Variants in PHYHIPL observed in about 807,000 individuals in gnomAD.
PHYHIPL encodes the protein phytanoyl-CoA 2-hydroxylase interacting protein like.
In PHYHIPL, 9 loss-of-function variants were observed where a neutral mutation model predicts 33.4. That is an observed-to-expected ratio of 0.27 (90% CI 0.16 to 0.47). The LOEUF is 0.47. PHYHIPL is among the 20% of genes least tolerant of loss of function. The pLI, the probability that PHYHIPL is intolerant of heterozygous loss-of-function variation, is 0.99. For synonymous variants in PHYHIPL, 153 were observed against 154.1 expected, an observed-to-expected ratio of 0.99 and a Z score of 0.05; for missense variants, 365 against 460.7, an observed-to-expected ratio of 0.79 and a Z score of 1.90.
chr10:59,245,328 T>A lies in PHYHIPL; in HGVS notation c.868T>A (p.Ser290Thr), dbSNP rs997303206. 8 of 1,614,178 alleles carry A rather than the reference T, an allele frequency of 5.0e-6. No individual in the cohort carries two copies. The highest frequency in any genetic ancestry group is 6.8e-6 in the Non-Finnish European group (8 of 1,180,030). ...GATTCTTGTTATTGCTCCTGTGGGA[T>A]CACCAGGAGATGAATTTTGTAAGCA... ...YVILVIAPVG[S>T]PGDEFCKQRL... Residue 290 changes from serine to threonine, a missense_variant, in exon 5 of 5, where the codon TCA (serine) becomes ACA (threonine). Coordinates refer to ENST00000373880, the MANE Select transcript of PHYHIPL (RefSeq NM_032439.4).
At chr10:59,183,953 A>G (rs993982396) in intron 1 of PHYHIPL, among the ~76,000 whole-genome samples, 21 of 152,222 alleles carry the variant, frequency 1.4e-4, no homozygotes, top group African/African-American at 4.8e-4. Context: ...ATTTTTCAGT[A>G]TACTCTGATT....
intron 1 of PHYHIPL, among the ~76,000 whole-genome samples, chr10:59,190,400 T>C (rs909780280): frequency 6.6e-6 from 1 of 151,856 alleles, no homozygotes; most frequent in African/African-American, 2.4e-5. Flanking sequence ...AATGTTTCAT[T>C]TGAGGGTAAG....
In PHYHIPL at chr10:59,245,327, A is replaced by C. The variant is rs1192162320; in HGVS notation, c.867A>C (p.Gly289=). 6.2e-7 allele frequency: 1 copy of C among 1,614,036 alleles called. No homozygotes were observed. The highest frequency in any genetic ancestry group is 1.3e-5 in the African/African-American group (1 of 74,918). ...HYVILVIAPV[G]SPGDEFCKQR... is the part of the protein sequence containing the mutation. ...TGATTCTTGTTATTGCTCCTGTGGG[A>C]TCACCAGGAGATGAATTTTGTAAGC... is the stretch of plus-strand genomic sequence containing the variant. Residue 289 remains glycine (G), a synonymous_variant, in exon 5 of 5, where the codon GGA becomes GGC. Transcript: ENST00000373880.
intron 1 of PHYHIPL, among the ~76,000 whole-genome samples, chr10:59,230,269 A>G (rs1840042598): frequency 1.5e-5 from 2 of 137,380 alleles, no homozygotes; most frequent in Admixed American, 8.1e-5. Context: ...GCTGGAGTGC[A>G]GTGGCACAAT....
chr10:59,181,114 C>G (rs1474658395), intron 1 of PHYHIPL, among the ~76,000 whole-genome samples: 1 of 152,094 alleles, frequency 6.6e-6, no homozygotes, highest in Non-Finnish European at 1.5e-5. Context: ...GGTATAATAC[C>G]AATCCTGTAG....
intron 1 of PHYHIPL, among the ~76,000 whole-genome samples, chr10:59,218,827 G>A (rs1458874436): frequency 4.6e-5 from 7 of 151,908 alleles, no homozygotes; most frequent in Admixed American, 4.6e-4. Flanking sequence ...TATGTGTTGG[G>A]CCCTGAATAT....
At chr10:59,221,386 T>A (rs1177129487) in intron 1 of PHYHIPL, among the ~76,000 whole-genome samples, 1 of 152,130 alleles carries the variant, frequency 6.6e-6, no homozygotes, top group African/African-American at 2.4e-5. Flanking sequence ...AATAACATTT[T>A]ATTTACTGTT....
intron 1 of PHYHIPL, among the ~76,000 whole-genome samples, chr10:59,184,009 G>A (rs758469574): frequency 1.3e-5 from 2 of 152,126 alleles, no homozygotes; most frequent in Non-Finnish European, 2.9e-5. Flanking sequence ...GAATATTGGT[G>A]AATCTCTCAG....
chr10:59,186,724 A>C (rs1396746866), intron 1 of PHYHIPL, among the ~76,000 whole-genome samples: 3 of 152,194 alleles, frequency 2.0e-5, no homozygotes, highest in Non-Finnish European at 2.9e-5. Flanking sequence ...TCTTAGTAGC[A>C]GTTGTGAATG....
chr10:59,244,561 T>TCACAAAAAAAA (rs1840563941), intron 4 of PHYHIPL, among the ~76,000 whole-genome samples: 1 of 2,842 alleles, frequency 3.5e-4, no homozygotes. Context: ...AGACTCTGTC[T>TCACAAAAAAAA]CAAAAAAAAA....
chr10:59,238,747 A>G (rs759864395), intron 4 of PHYHIPL, 42 bp downstream of exon 4: 7 of 1,299,828 alleles, frequency 5.4e-6, no homozygotes, highest in Non-Finnish European at 7.7e-6. Context: ...TACTAAATAT[A>G]GTTTCAAATT....
At chr10:59,180,022 T>C (rs963805398) in intron 1 of PHYHIPL, among the ~76,000 whole-genome samples, 1 of 151,852 alleles carries the variant, frequency 6.6e-6, no homozygotes, top group Non-Finnish European at 1.5e-5. Flanking sequence ...TATTTTTGTT[T>C]CTCCATCTCT....
In PHYHIPL at chr10:59,247,585, G is replaced by GT; in HGVS notation, c.*1995dup. The GT allele has an allele frequency of 6.2e-7, 1 of 1,612,558 alleles. No homozygotes were observed. The highest frequency in any genetic ancestry group is 8.5e-7 in the Non-Finnish European group (1 of 1,179,346). Reference sequence around the variant, plus strand: ...AAATAAACTTTACTTTATATCATGGGTGAAAGTGATCATAACATTTCCTGA... The same window carrying GT: ...AAATAAACTTTACTTTATATCATGGGTTGAAAGTGATCATAACATTTCCTGA... On this transcript the variant is annotated 3_prime_UTR_variant, in exon 5 of 5. Coordinates refer to ENST00000373880, the MANE Select transcript of PHYHIPL (RefSeq NM_032439.4).
chr10:59,198,826 T>A (rs1163962911), intron 1 of PHYHIPL, among the ~76,000 whole-genome samples: 1 of 152,234 alleles, frequency 6.6e-6, no homozygotes, highest in African/African-American at 2.4e-5. Context: ...AGTTTTTTCA[T>A]GTGTCTGTTG....
intron 1 of PHYHIPL, among the ~76,000 whole-genome samples, chr10:59,201,463 G>C (rs759923894): frequency 5.3e-5 from 8 of 152,192 alleles, no homozygotes; most frequent in Non-Finnish European, 1.2e-4. Context: ...TTGCTGAAGA[G>C]AGCTTTACTT....
chr10:59,218,989 G>A (rs998018262), intron 1 of PHYHIPL, among the ~76,000 whole-genome samples: 1 of 151,854 alleles, frequency 6.6e-6, no homozygotes, highest in Admixed American at 6.6e-5. Context: ...GGAGAGCAGT[G>A]GCACAATCTC....
At chr10:59,185,983 G>A (rs1223975345) in intron 1 of PHYHIPL, among the ~76,000 whole-genome samples, 1 of 152,258 alleles carries the variant, frequency 6.6e-6, no homozygotes, top group Non-Finnish European at 1.5e-5. Context: ...GATACTATTT[G>A]TCAATTTTGG....
rs1254818724 is a variant in PHYHIPL, at chr10:59,176,862, G to T, written c.9G>T (p.Val3=). 4 of 1,612,346 alleles carry T rather than the reference G, an allele frequency of 2.5e-6. No homozygotes were observed. The highest frequency in any genetic ancestry group is 2.5e-6 in the Non-Finnish European group (3 of 1,179,262). The part of the protein sequence containing the change: ME[V]PRLDHALNSP... Reference sequence around the variant, plus strand: ...CAGAGTGGGTTGGAAAAATGGAGGTGCCGCGCCTGGATCATGCCCTCAACA... The same window carrying T: ...CAGAGTGGGTTGGAAAAATGGAGGTTCCGCGCCTGGATCATGCCCTCAACA... The change falls in exon 1 of 5, where the codon GTG becomes GTT. Residue 3 remains valine (V), a synonymous_variant. Coordinates refer to ENST00000373880, the MANE Select transcript of PHYHIPL (RefSeq NM_032439.4).
chr10:59,174,962 C>T (rs1051076840), upstream of PHYHIPL, among the ~76,000 whole-genome samples: 7 of 152,208 alleles, frequency 4.6e-5, no homozygotes, highest in Non-Finnish European at 7.3e-5. Context: ...AAATGCATGT[C>T]GTATTTCTTA....
Sources: gnomAD v4.1 joint callset for allele counts (sites outside exome capture counted in the v4.1 genomes callset) on GRCh38, gnomAD v4.1.1 for gene constraint, MANE v1.5 for transcripts, NCBI Gene and HGNC (gene_info 2026-07-23, HGNC 2026-07-21) for gene names.